The following CSMD3 variants were observed in gnomAD, a reference collection of about 807,000 sequenced individuals.
CSMD3 encodes the protein CUB and Sushi multiple domains 3, also known as CUB and sushi domain-containing protein 3.
In CSMD3, 177 loss-of-function variants were observed where a neutral mutation model predicts 435.2. That is an observed-to-expected ratio of 0.41 (90% confidence interval 0.36 to 0.46). CSMD3 has a LOEUF of 0.46. CSMD3 is among the 20% of genes least tolerant of loss of function. CSMD3 has a pLI of 0.34. For missense variants in CSMD3, 4,265 were observed against 4,504.6 expected, an observed-to-expected ratio of 0.95 and a Z score of 1.52; for synonymous variants, 1,656 against 1,520.5, an observed-to-expected ratio of 1.09 and a Z score of -2.07.
chr8:113,366,662 A>T lies in CSMD3; in HGVS notation c.179-51869T>A, dbSNP rs192451360. The stretch of plus-strand genomic sequence containing the variant: ...TGTTTCCAAAATGATGTCTTGAGAA[A>T]ACTAGAAGTTTGAGCGTATACCATG... On this transcript the variant is annotated intron_variant, in intron 1 of 70. Transcript: ENST00000297405. 1.5e-3 allele frequency among the ~76,000 whole-genome samples: 230 copies of T among 152,154 alleles called. 1 individual carries two copies. Among genetic ancestry groups the T allele is most frequent in the Non-Finnish European group, 2.7e-3 (186 of 67,926 alleles).
At chr8:112,596,609 C>G (rs1016585214) in intron 22 of CSMD3, among the ~76,000 whole-genome samples, 5 of 151,852 alleles carry the variant, frequency 3.3e-5, no homozygotes, top group Non-Finnish European at 5.9e-5. Flanking sequence ...TGACCACATA[C>G]TTGGAAGTAA....
chr8:112,479,316 A>C (rs1331599205), intron 31 of CSMD3, among the ~76,000 whole-genome samples: 1 of 152,214 alleles, frequency 6.6e-6, no homozygotes, highest in African/African-American at 2.4e-5. Flanking sequence ...CGTTTGAAAA[A>C]TTCACAGCCA....
At chr8:112,284,757 G>C in intron 58 of CSMD3, among the ~76,000 whole-genome samples, 1 of 151,770 alleles carries the variant, frequency 6.6e-6, no homozygotes, top group African/African-American at 2.4e-5. Flanking sequence ...GTAATAAACT[G>C]AAGCAATAGA....
At chr8:112,359,598 T>C (rs1826980938) in intron 38 of CSMD3, among the ~76,000 whole-genome samples, 1 of 152,034 alleles carries the variant, frequency 6.6e-6, no homozygotes, top group South Asian at 2.1e-4. Flanking sequence ...ATGGTTAGAG[T>C]AGCTTAAATC....
At chr8:112,407,372 CT>C (rs761808356) in intron 34 of CSMD3, among the ~76,000 whole-genome samples, 1 of 151,402 alleles carries the variant, frequency 6.6e-6, no homozygotes, top group African/African-American at 2.4e-5. Flanking sequence ...TTAATTGTGC[CT>C]TTTTTTTGGT....
chr8:113,331,200 G>A (rs2132770040), intron 1 of CSMD3, among the ~76,000 whole-genome samples: 1 of 151,468 alleles, frequency 6.6e-6, no homozygotes, highest in Non-Finnish European at 1.5e-5. Context: ...TTATTCAAAT[G>A]AAATGAACAA....
chr8:112,563,131 A>G (rs1828784912), intron 24 of CSMD3, among the ~76,000 whole-genome samples: 1 of 151,880 alleles, frequency 6.6e-6, no homozygotes, highest in African/African-American at 2.4e-5. Flanking sequence ...TAAAGAATAT[A>G]AAGGGAATAA....
intron 3 of CSMD3, among the ~76,000 whole-genome samples, chr8:113,199,160 T>C (rs556724224): frequency 9.9e-5 from 15 of 150,986 alleles, no homozygotes; most frequent in African/African-American, 3.6e-4. Context: ...AGACGGTTCA[T>C]TTATATTTTC....
chr8:112,924,930 C>T (rs2082865040), intron 9 of CSMD3, among the ~76,000 whole-genome samples: 1 of 152,066 alleles, frequency 6.6e-6, no homozygotes, highest in Non-Finnish European at 1.5e-5. Context: ...AGTTATTTCC[C>T]TCAGTTAGAT....
intron 5 of CSMD3, among the ~76,000 whole-genome samples, chr8:113,043,364 C>T (rs1321324488): frequency 6.6e-6 from 1 of 152,084 alleles, no homozygotes; most frequent in Non-Finnish European, 1.5e-5. Flanking sequence ...CTGTTATCTC[C>T]TCTTATGTAT....
At chr8:112,877,033 T>A (rs1486844493) in intron 10 of CSMD3, among the ~76,000 whole-genome samples, 1 of 151,986 alleles carries the variant, frequency 6.6e-6, no homozygotes, top group African/African-American at 2.4e-5. Flanking sequence ...ATAAAATACC[T>A]AGGGATACAA....
Position 112,292,610 on chromosome 8 carries a change from A to G in CSMD3, c.8715T>C (p.Tyr2905=). 1 of 1,613,836 alleles carries G rather than the reference A, an allele frequency of 6.2e-7. No homozygotes were observed. The highest frequency in any genetic ancestry group is 1.1e-5 in the South Asian group (1 of 91,080). Reference sequence around the variant, plus strand: ...GTGCCTTTGTTGGCCCTTGCATAAGATACCCAATATTGCATGAGAATGTTA... The same window carrying G: ...GTGCCTTTGTTGGCCCTTGCATAAGGTACCCAATATTGCATGAGAATGTTA... ...DVVTFSCNIG[Y]LMQGPTKAQC... is the part of the protein sequence containing the mutation. Residue 2905 remains tyrosine (Y), a synonymous_variant, in exon 55 of 71, where the codon TAT becomes TAC. Transcript: ENST00000297405.
At chr8:112,407,759 T>C (rs2130051155) in intron 34 of CSMD3, among the ~76,000 whole-genome samples, 1 of 152,152 alleles carries the variant, frequency 6.6e-6, no homozygotes. Context: ...ATATTTCAAA[T>C]AATGGCTCTT....
At chr8:112,243,797 G>T (rs988213520) in intron 65 of CSMD3, among the ~76,000 whole-genome samples, 10 of 151,924 alleles carry the variant, frequency 6.6e-5, no homozygotes, top group Admixed American at 5.3e-4. Flanking sequence ...AGAGATCTTG[G>T]GATAAAACAA....
chr8:113,230,812 C>T (rs895669754), intron 3 of CSMD3, among the ~76,000 whole-genome samples: 5 of 151,458 alleles, frequency 3.3e-5, no homozygotes, highest in Admixed American at 1.3e-4. Context: ...AAAATCTTCA[C>T]TTATGTCCTC....
intron 5 of CSMD3, among the ~76,000 whole-genome samples, chr8:113,059,995 A>T (rs544632750): frequency 1.6e-3 from 230 of 145,536 alleles, no homozygotes; most frequent in Admixed American, 4.7e-3. Flanking sequence ...TTATTTATTT[A>T]TTTTTTTTTT....
intron 22 of CSMD3, among the ~76,000 whole-genome samples, chr8:112,631,611 T>C (rs2074517009): frequency 6.6e-6 from 1 of 152,076 alleles, no homozygotes; most frequent in South Asian, 2.1e-4. Flanking sequence ...CCTCCTCTGC[T>C]TACTTCATAA....
At chr8:113,277,044 A>G (rs979105846) in intron 3 of CSMD3, among the ~76,000 whole-genome samples, 14 of 152,016 alleles carry the variant, frequency 9.2e-5, no homozygotes, top group Non-Finnish European at 1.5e-4. Flanking sequence ...TACATTTTCA[A>G]TATATTTAGT....
Position 112,306,066 on chromosome 8 carries a change from G to C in CSMD3, c.8012C>G (p.Thr2671Arg), listed in dbSNP as rs2130786952. 1 of 1,613,760 alleles carries C rather than the reference G, an allele frequency of 6.2e-7. No homozygotes were observed. The highest frequency in any genetic ancestry group is 8.5e-7 in the Non-Finnish European group (1 of 1,179,734). Residue 2671 changes from threonine (T) to arginine (R), a missense_variant, in exon 51 of 71, where the codon ACA becomes AGA. Around this residue, in one of 3 missense-constraint regions of CSMD3, gnomAD observed 3,255 missense variants for 3,380.2 expected, o/e 0.96. Transcript: ENST00000297405. Reference sequence around the variant, plus strand: ...TGTTCCATCTGATTGGCATACAGCTGTAGTGAGTTCTTTGGATGACAATCG... The same window carrying C: ...TGTTCCATCTGATTGGCATACAGCTCTAGTGAGTTCTTTGGATGACAATCG... Reference protein sequence around the residue: ...GYRLSSKELTTAVCQSDGTWS... With the variant: ...GYRLSSKELTRAVCQSDGTWS...
Sources: allele counts gnomAD v4.1 joint callset (sites outside exome capture counted in the v4.1 genomes callset), GRCh38; gene constraint gnomAD v4.1.1; regional missense constraint gnomAD v4.1.1; transcripts MANE v1.5; gene names NCBI Gene and HGNC (gene_info 2026-07-23, HGNC 2026-07-21).